The following RBFOX1 variants were observed in gnomAD, a reference collection of about 807,000 sequenced individuals.
RBFOX1 encodes RNA binding fox-1 homolog 1, also known as RNA binding protein fox-1 homolog 1.
Under a neutral mutation model 57.7 loss-of-function variants are expected in RBFOX1, and 8 were observed. The ratio of observed to expected loss-of-function variants is 0.14; its 90% confidence interval spans 0.08 to 0.25. The LOEUF (loss-of-function observed/expected upper bound fraction) is 0.25, where lower values mean the gene tolerates loss of function less well. Among genes scored for constraint, RBFOX1 ranks in the 10% least tolerant of loss-of-function variants. RBFOX1 has a pLI of 1.00. For missense variants in RBFOX1, 611 were observed against 548.5 expected, an observed-to-expected ratio of 1.11 and a Z score of -1.14; for synonymous variants, 326 against 222.4, an observed-to-expected ratio of 1.47 and a Z score of -4.15.
At chr16:7,285,234 A>G (rs2095626276) in intron 4 of RBFOX1, among the ~76,000 whole-genome samples, 1 of 151,934 alleles carries the variant, frequency 6.6e-6, no homozygotes, top group African/African-American at 2.4e-5. Context: ...AAGGAATAAT[A>G]CAGAGAGTTC....
chr16:7,636,327 T>C (rs2061749042), intron 11 of RBFOX1, among the ~76,000 whole-genome samples: 3 of 152,230 alleles, frequency 2.0e-5, no homozygotes, highest in African/African-American at 7.2e-5. Flanking sequence ...TCTCTGCCTT[T>C]CTCCTATTAA....
chr16:6,978,477 C>T (rs958407388), intron 3 of RBFOX1, among the ~76,000 whole-genome samples: 1 of 152,152 alleles, frequency 6.6e-6, no homozygotes, highest in Non-Finnish European at 1.5e-5. Context: ...GTTTTCATTA[C>T]AGGTAGGTTG....
intron 2 of RBFOX1, among the ~76,000 whole-genome samples, chr16:5,559,873 A>G (rs2045828786): frequency 6.6e-6 from 1 of 151,348 alleles, no homozygotes; most frequent in African/African-American, 2.4e-5. Flanking sequence ...CCTTAACTCT[A>G]GCGTGCTGTA....
intron 3 of RBFOX1, among the ~76,000 whole-genome samples, chr16:5,795,829 C>T (rs1176335603): frequency 6.6e-6 from 1 of 152,142 alleles, no homozygotes; most frequent in Non-Finnish European, 1.5e-5. Context: ...GAAGGATTTG[C>T]TTTTTTTCAC....
intron 2 of RBFOX1, among the ~76,000 whole-genome samples, chr16:6,466,175 A>G (rs1274853575): frequency 2.0e-5 from 3 of 151,310 alleles, no homozygotes; most frequent in African/African-American, 7.3e-5. Flanking sequence ...GTTGCAAGTG[A>G]GCTGAGGTTG....
chr16:7,065,719 T>C (rs556541286), intron 4 of RBFOX1, among the ~76,000 whole-genome samples: 57 of 152,288 alleles, frequency 3.7e-4, no homozygotes, highest in South Asian at 2.5e-3. Context: ...TGATTACCTG[T>C]AGCCGCCATG....
chr16:6,538,880 G>T (rs995223627), intron 2 of RBFOX1, among the ~76,000 whole-genome samples: 1 of 152,114 alleles, frequency 6.6e-6, no homozygotes, highest in Non-Finnish European at 1.5e-5. Flanking sequence ...AGATTGAAGG[G>T]ATTAGCTCCT....
chr16:6,487,001 A>G (rs1014488699), intron 2 of RBFOX1, among the ~76,000 whole-genome samples: 1 of 152,054 alleles, frequency 6.6e-6, no homozygotes, highest in African/African-American at 2.4e-5. Flanking sequence ...TCAGCATTTA[A>G]TATACAGTGT....
At chr16:6,173,356 A>T (rs1449456119) in intron 1 of RBFOX1, among the ~76,000 whole-genome samples, 1 of 152,202 alleles carries the variant, frequency 6.6e-6, no homozygotes, top group Non-Finnish European at 1.5e-5. Context: ...TAAAGTGCCT[A>T]GTGGGATACC....
chr16:7,211,469 G>A (rs1246899232), intron 4 of RBFOX1, among the ~76,000 whole-genome samples: 1 of 151,704 alleles, frequency 6.6e-6, no homozygotes, highest in Non-Finnish European at 1.5e-5. Flanking sequence ...GCTGTCATAG[G>A]GATAGAAATT....
chr16:7,080,883 G>C (rs775453426), intron 4 of RBFOX1, among the ~76,000 whole-genome samples: 1 of 152,184 alleles, frequency 6.6e-6, no homozygotes, highest in Non-Finnish European at 1.5e-5. Context: ...TTTGAAATAA[G>C]TCATTCCCTC....
chr16:5,455,561 C>G (rs1328224673), intron 1 of RBFOX1, among the ~76,000 whole-genome samples: 1 of 152,206 alleles, frequency 6.6e-6, no homozygotes, highest in Non-Finnish European at 1.5e-5. Context: ...AAGGTAACCA[C>G]ATACATTTTC....
intron 3 of RBFOX1, among the ~76,000 whole-genome samples, chr16:6,856,013 T>C (rs2057820014): frequency 6.6e-6 from 1 of 152,192 alleles, no homozygotes; most frequent in East Asian, 1.9e-4. Flanking sequence ...TCTTCCCTTA[T>C]ATTCTCTAAC....
At chr16:5,811,767 G>A (rs2342740) in intron 3 of RBFOX1, among the ~76,000 whole-genome samples, 96,454 of 152,072 alleles carry the variant, frequency 0.63, 31,061 homozygotes, top group South Asian at 0.72. Context: ...CTATTTTTAA[G>A]GCATTATTGA....
At chr16:6,476,262 T>C (rs1473273986) in intron 2 of RBFOX1, among the ~76,000 whole-genome samples, 1 of 152,164 alleles carries the variant, frequency 6.6e-6, no homozygotes, top group Admixed American at 6.5e-5. Flanking sequence ...TCCAGGGGTG[T>C]GTGTCTACAA....
intron 10 of RBFOX1, among the ~76,000 whole-genome samples, chr16:7,628,636 G>C (rs2060449587): frequency 1.3e-5 from 2 of 152,022 alleles, no homozygotes; most frequent in Non-Finnish European, 2.9e-5. Flanking sequence ...TTTTGAGATG[G>C]AGTTTTGCTC....
At chr16:5,917,110 T>C (rs1270637715) in intron 4 of RBFOX1, among the ~76,000 whole-genome samples, 1 of 152,080 alleles carries the variant, frequency 6.6e-6, no homozygotes, top group African/African-American at 2.4e-5. Context: ...CTGGAATTTG[T>C]GGGTCTGTTT....
At chr16:7,251,928 G>A (rs1000283428) in intron 4 of RBFOX1, among the ~76,000 whole-genome samples, 1 of 151,968 alleles carries the variant, frequency 6.6e-6, no homozygotes, top group Non-Finnish European at 1.5e-5. Flanking sequence ...TTTTCATAAT[G>A]GCTGTACTAA....
chr16:5,720,191 G>A (rs1483694739), intron 3 of RBFOX1, among the ~76,000 whole-genome samples: 1 of 152,180 alleles, frequency 6.6e-6, no homozygotes, highest in African/African-American at 2.4e-5. Flanking sequence ...AACATTGTGT[G>A]TGTGCTTACT....
Sources: gnomAD v4.1 joint callset for allele counts (sites outside exome capture counted in the v4.1 genomes callset) on GRCh38, gnomAD v4.1.1 for gene constraint, MANE v1.5 for transcripts, NCBI Gene and HGNC (gene_info 2026-07-23, HGNC 2026-07-21) for gene names.